Variants in PRKCB observed in about 807,000 individuals in gnomAD.
PRKCB encodes protein kinase C beta type.
In PRKCB, 13 loss-of-function variants were observed where a neutral mutation model predicts 81.5. That is an observed-to-expected ratio of 0.16 (90% CI 0.10 to 0.25). The LOEUF is 0.25. Among genes scored for constraint, PRKCB ranks in the 10% least tolerant of loss-of-function variants. The pLI, the probability that PRKCB is intolerant of heterozygous loss-of-function variation, is 1.00. For missense variants in PRKCB, 509 were observed against 875.7 expected (o/e 0.58, Z 5.29); for synonymous variants, 335 against 321.4 (o/e 1.04, Z -0.45).
intron 5 of PRKCB, among the ~76,000 whole-genome samples, chr16:24,042,033 G>GA (rs995049857): frequency 5.3e-4 from 78 of 148,250 alleles, no homozygotes; most frequent in Middle Eastern, 3.6e-3. Context: ...ATGTAAACAA[G>GA]AAAAAAAAAT....
At chr16:24,088,901 G>T (rs555855363) in intron 5 of PRKCB, among the ~76,000 whole-genome samples, 1 of 152,092 alleles carries the variant, frequency 6.6e-6, no homozygotes, top group Non-Finnish European at 1.5e-5. Context: ...GGGCGGAGGA[G>T]GGGGAGTGGC....
chr16:23,868,615 C>T (rs1360576972), intron 2 of PRKCB, among the ~76,000 whole-genome samples: 2 of 152,218 alleles, frequency 1.3e-5, no homozygotes, highest in Non-Finnish European at 2.9e-5. Flanking sequence ...ATTTAAATAA[C>T]AAAACGCATG....
chr16:23,881,996 T>TTC (rs1555481633), intron 2 of PRKCB, among the ~76,000 whole-genome samples: 69 of 63,064 alleles, frequency 1.1e-3, no homozygotes, highest in African/African-American at 3.0e-3. Flanking sequence ...CTTTCTTTCT[T>TTC]TCTTTCTTTC....
At chr16:24,021,259 T>A in intron 3 of PRKCB, among the ~76,000 whole-genome samples, 1 of 122,516 alleles carries the variant, frequency 8.2e-6, no homozygotes, top group Non-Finnish European at 1.7e-5. Context: ...TCTTCCTTTC[T>A]TCCTTTCTTT....
intron 2 of PRKCB, among the ~76,000 whole-genome samples, chr16:23,961,168 G>A (rs376146629): frequency 2.0e-5 from 3 of 151,924 alleles, no homozygotes; most frequent in South Asian, 2.1e-4. Flanking sequence ...CTCGTCCTCC[G>A]AAGTGCTGGG....
intron 2 of PRKCB, among the ~76,000 whole-genome samples, chr16:23,910,990 G>A (rs1249320457): frequency 6.6e-6 from 1 of 152,050 alleles, no homozygotes; most frequent in African/African-American, 2.4e-5. Flanking sequence ...GCATGTATCA[G>A]TACCTCATTC....
intron 5 of PRKCB, among the ~76,000 whole-genome samples, chr16:24,047,067 G>T (rs547168871): frequency 3.3e-5 from 5 of 152,026 alleles, no homozygotes; most frequent in Non-Finnish European, 7.4e-5. Flanking sequence ...GGCAGGGTGC[G>T]GTGGCTCATG....
chr16:24,125,385 C>CA (rs1282296139), intron 9 of PRKCB, among the ~76,000 whole-genome samples: 8 of 152,180 alleles, frequency 5.3e-5, no homozygotes, highest in African/African-American at 1.9e-4. Flanking sequence ...CTGGCCACAA[C>CA]ATCAGCTCTT....
chr16:23,883,443 C>T (rs1963153750), intron 2 of PRKCB, among the ~76,000 whole-genome samples: 1 of 152,042 alleles, frequency 6.6e-6, no homozygotes, highest in African/African-American at 2.4e-5. Context: ...TCATAAGGGG[C>T]CCCACAGGAT....
In PRKCB at chr16:23,994,503, G is replaced by T. The variant is rs556917675; in HGVS notation, c.288+5913G>T. 1.7e-4 allele frequency among the ~76,000 whole-genome samples: 26 copies of T among 152,310 alleles called. No individual in the cohort carries two copies. The East Asian group carries it at 5.0e-3, about 29-fold the overall frequency. ...AACCAAGAGCAATACTACATCCTTA[G>T]AGGGACAGCAGAGATCAGTGCCATC... is the stretch of plus-strand genomic sequence containing the variant. On this transcript the variant is annotated intron_variant, in intron 3 of 16. Coordinates refer to ENST00000643927, the MANE Select transcript of PRKCB (RefSeq NM_002738.7).
At chr16:23,871,858 GTTTTTTTTT>G (rs61498403) in intron 2 of PRKCB, among the ~76,000 whole-genome samples, 4 of 146,872 alleles carry the variant, frequency 2.7e-5, no homozygotes, top group Non-Finnish European at 3.0e-5. Context: ...AGTTATACAG[GTTTTTTTTT>G]TTTTTTTTTT....
At chr16:23,844,377 A>G (rs748611805) in intron 2 of PRKCB, among the ~76,000 whole-genome samples, 3 of 152,126 alleles carry the variant, frequency 2.0e-5, no homozygotes, top group Admixed American at 1.3e-4. Context: ...AAATTTGTCT[A>G]TTCACCACAT....
intron 2 of PRKCB, among the ~76,000 whole-genome samples, chr16:23,907,817 C>G (rs1019209034): frequency 6.6e-6 from 1 of 152,188 alleles, no homozygotes; most frequent in South Asian, 2.1e-4. Flanking sequence ...CTCCCTAGGA[C>G]CTGCCTGGGA....
intron 2 of PRKCB, among the ~76,000 whole-genome samples, chr16:23,900,736 T>G (rs1024738488): frequency 7.1e-6 from 1 of 141,180 alleles, no homozygotes; most frequent in South Asian, 2.4e-4. Flanking sequence ...TTTTTTTTTT[T>G]TTTTTTTTTT....
chr16:23,836,755 C>G (rs947788589), intron 1 of PRKCB, among the ~76,000 whole-genome samples: 3 of 133,256 alleles, frequency 2.3e-5, no homozygotes, highest in African/African-American at 5.8e-5. Flanking sequence ...CCTCGCCCCC[C>G]ACCCCTTGTT....
intron 10 of PRKCB, among the ~76,000 whole-genome samples, chr16:24,165,883 CTTTTTTTTTTTTT>C (rs71154285): frequency 2.1e-4 from 20 of 94,002 alleles, no homozygotes; most frequent in African/African-American, 4.6e-4. Context: ...TTCTTTCTTT[CTTTTTTTTTTTTT>C]TTTTTTTTTT....
chr16:23,880,264 A>G (rs569953900), intron 2 of PRKCB, among the ~76,000 whole-genome samples: 4 of 152,246 alleles, frequency 2.6e-5, no homozygotes, highest in Non-Finnish European at 4.4e-5. Flanking sequence ...GTATTAGCTT[A>G]ATTATAGGGG....
intron 10 of PRKCB, among the ~76,000 whole-genome samples, chr16:24,167,143 A>T (rs1596578591): frequency 2.9e-5 from 2 of 68,176 alleles, no homozygotes; most frequent in Non-Finnish European, 6.8e-5. Context: ...GTTTTCTATT[A>T]AAAAAAAAAA....
At chr16:24,016,054 T>A (rs1282738288) in intron 3 of PRKCB, among the ~76,000 whole-genome samples, 1 of 152,138 alleles carries the variant, frequency 6.6e-6, no homozygotes, top group African/African-American at 2.4e-5. Context: ...TGTGGGTAAT[T>A]CATTCCCTAG....
Sources: allele counts gnomAD v4.1 joint callset (sites outside exome capture counted in the v4.1 genomes callset), GRCh38; gene constraint gnomAD v4.1.1; transcripts MANE v1.5; gene names NCBI Gene and HGNC (gene_info 2026-07-23, HGNC 2026-07-21).